Variants in ANKRD26 observed in about 807,000 individuals in gnomAD.
The protein encoded by ANKRD26 is ankyrin repeat domain 26, also known as ankyrin repeat domain-containing protein 26.
ANKRD26 carries 141 observed loss-of-function variants against 208.7 expected under a neutral mutation model. The ratio of observed to expected loss-of-function variants is 0.68; its 90% CI spans 0.59 to 0.78. The LOEUF is 0.78. Ranked by LOEUF, ANKRD26 falls within the 30% of genes least tolerant of loss-of-function variation. The pLI is 0.00. For synonymous variants in ANKRD26, 636 were observed against 660.4 expected (o/e 0.96, Z 0.57); for missense variants, 1,889 against 1,938.7 (o/e 0.97, Z 0.48).
At chr10:27,088,494 T>C (rs1462634425) in intron 4 of ANKRD26, 1 of 152,222 alleles carries the variant, frequency 6.6e-6, no homozygotes, top group East Asian at 1.9e-4. Context: ...TCAATCCAAC[T>C]AACCTACTTT....
Position 27,005,378 on chromosome 10 carries a change from G to A in ANKRD26, c.*212C>T. 7.8e-7 allele frequency: 1 copy of A among 1,285,288 alleles called. No homozygotes were observed. The highest frequency in any genetic ancestry group is 9.9e-7 in the Non-Finnish European group (1 of 1,013,486). 79.6% of individuals were successfully genotyped at this position (1,285,288 alleles called of 1,614,324 possible). A position where few individuals can be genotyped will look rare whatever the true frequency, so the allele number is the denominator to read the frequency against. On this transcript the variant is annotated 3_prime_UTR_variant, in exon 34 of 34. Transcript: ENST00000376087. ...TAAACAGCTCACATTTGGGCAGTTT[G>A]AGTATGTAAAACTCAATATTCCTGG...
At chr10:27,048,266 T>C (rs1422647088) in intron 17 of ANKRD26, among the ~76,000 whole-genome samples, 1 of 152,176 alleles carries the variant, frequency 6.6e-6, no homozygotes, top group Non-Finnish European at 1.5e-5. Context: ...CTATAATAAA[T>C]ATCCTTAGCA....
At chr10:26,989,025 T>A (rs536200836), downstream of ANKRD26, among the ~76,000 whole-genome samples, 9 of 152,224 alleles carry the variant, frequency 5.9e-5, no homozygotes, top group African/African-American at 2.2e-4. Flanking sequence ...TTTGAGATAA[T>A]CTTCTATGAT....
At chr10:27,018,141 A>ATTTTTTT (rs11346457) in intron 29 of ANKRD26, among the ~76,000 whole-genome samples, 2,321 of 131,014 alleles carry the variant, frequency 0.018, 52 homozygotes, top group East Asian at 0.1. Context: ...ATGCCCTATA[A>ATTTTTTT]TTTTTTTTTT....
At chr10:27,097,124 T>C (rs2056493203) in intron 1 of ANKRD26, among the ~76,000 whole-genome samples, 1 of 149,010 alleles carries the variant, frequency 6.7e-6, no homozygotes, top group South Asian at 2.2e-4. Context: ...GGATGTTGCA[T>C]TGAGCCGAGA....
At chr10:26,955,166 T>C in the ANKRD26 span, among the ~76,000 whole-genome samples, 1 of 151,968 alleles carries the variant, frequency 6.6e-6, no homozygotes, top group Non-Finnish European at 1.5e-5. Context: ...CAGTAGCTCA[T>C]GCCCATAATC....
chr10:27,032,169 T>C (rs1291060864), intron 25 of ANKRD26, among the ~76,000 whole-genome samples: 5 of 152,166 alleles, frequency 3.3e-5, no homozygotes, highest in African/African-American at 4.8e-5. Context: ...TTTTTAAAAA[T>C]GTGCAATTAT....
At chr10:26,983,281 G>C (rs1366724385) in intron 3 of ANKRD26, among the ~76,000 whole-genome samples, 1 of 152,164 alleles carries the variant, frequency 6.6e-6, no homozygotes, top group Non-Finnish European at 1.5e-5. Flanking sequence ...TGTGTCCAAT[G>C]AGACTGCAAA....
downstream of ANKRD26, among the ~76,000 whole-genome samples, chr10:27,003,153 T>C (rs919032625): frequency 2.6e-5 from 4 of 152,174 alleles, no homozygotes; most frequent in Non-Finnish European, 5.9e-5. Context: ...GAGTACTTAA[T>C]ATATATTCAG....
chr10:27,099,895 A>G (rs143248454), intron 1 of ANKRD26, among the ~76,000 whole-genome samples, 190 bp downstream of exon 1: 1 of 152,074 alleles, frequency 6.6e-6, no homozygotes, highest in Admixed American at 6.6e-5. Flanking sequence ...GAAACCAGCT[A>G]GAGTTCTGTT....
Position 27,091,217 on chromosome 10 carries a change from C to A in ANKRD26, c.638+1189G>T, listed in dbSNP as rs2056288926. 2.0e-5 allele frequency among the ~76,000 whole-genome samples: 3 copies of A among 152,182 alleles called. No individual in the cohort carries two copies. The South Asian group carries it at 6.2e-4, about 31-fold the overall frequency. On this transcript the variant is annotated intron_variant, in intron 4 of 33. Transcript: ENST00000376087. ...ATATAATCTTATTTAAATACAACCACCTTGAGATATATTTAGTATCCCCCT... is the reference window on the plus strand; with the variant it reads ...ATATAATCTTATTTAAATACAACCAACTTGAGATATATTTAGTATCCCCCT...
chr10:27,067,140 G>T lies in ANKRD26; in HGVS notation c.1207+17C>A. 6.2e-7 allele frequency: 1 copy of T among 1,610,766 alleles called. No individual in the cohort carries two copies. On this transcript the variant is annotated intron_variant, in intron 10 of 33. Transcript: ENST00000376087. ...ACTTAAGGATAGAAAAATATTCAGA[G>T]ATATCCACTAACTTACCACTTCTAT...
chr10:27,074,087 AC>A (rs941117755), intron 9 of ANKRD26, among the ~76,000 whole-genome samples: 84 of 147,084 alleles, frequency 5.7e-4, no homozygotes, highest in African/African-American at 2.0e-3. Flanking sequence ...ATTAGAAGGA[AC>A]CAGAAAAATA....
intron 3 of ANKRD26, among the ~76,000 whole-genome samples, chr10:26,986,363 G>A (rs559189670): frequency 1.3e-5 from 2 of 152,210 alleles, no homozygotes; most frequent in South Asian, 4.2e-4. Flanking sequence ...CAGGACATAG[G>A]CATGGGCAAG....
intron 30 of ANKRD26, among the ~76,000 whole-genome samples, chr10:27,015,310 G>A (rs189512220): frequency 1.6e-4 from 25 of 152,318 alleles, no homozygotes. Context: ...AAAAGCCCAA[G>A]GTGTTGGATC....
At chr10:27,007,122 C>T (rs1429843290) in intron 32 of ANKRD26, among the ~76,000 whole-genome samples, 160 bp from the exon 33 acceptor site, 1 of 152,130 alleles carries the variant, frequency 6.6e-6, no homozygotes, top group Non-Finnish European at 1.5e-5. Flanking sequence ...AAAATTCCTA[C>T]TTGTTTTAAG....
intron 4 of ANKRD26, among the ~76,000 whole-genome samples, 163 bp from the exon 5 acceptor site, chr10:27,086,772 T>TTTG (rs1452804972): frequency 1.7e-5 from 2 of 114,484 alleles, no homozygotes; most frequent in East Asian, 7.6e-4. Context: ...TTTTTTGTTT[T>TTTG]TTTTTTTTTT....
intron 4 of ANKRD26, among the ~76,000 whole-genome samples, chr10:27,091,911 C>T (rs1481799122): frequency 3.3e-5 from 5 of 151,670 alleles, no homozygotes; most frequent in South Asian, 2.1e-4. Context: ...CGCTTGAACC[C>T]AGGAGGTGGA....
At position 27,080,697 on chromosome 10, in the gene ANKRD26, C is replaced by T. The variant is rs369485993; in HGVS notation, c.741-1536G>A. 13 of 985,488 alleles carry T rather than the reference C, an allele frequency of 1.3e-5. No homozygotes were observed. In the African/African-American group the frequency reaches 1.6e-4, roughly 12 times the overall value. The allele number at this position is 985,488 out of a possible 1,614,324, so 61.0% of individuals were successfully genotyped here. ...ATAGCATCTCCAACCTTTAAGTCTT[C>T]AGCCTATGAAGGCACAAATTCCTGA... On this transcript the variant is annotated intron_variant, in intron 6 of 33. Transcript: ENST00000376087.
Sources: allele counts gnomAD v4.1 joint callset (sites outside exome capture counted in the v4.1 genomes callset), GRCh38; gene constraint gnomAD v4.1.1; transcripts MANE v1.5; gene names NCBI Gene and HGNC (gene_info 2026-07-23, HGNC 2026-07-21).